The following NKAIN3 variants were observed in gnomAD, a reference collection of about 807,000 sequenced individuals.
NKAIN3 encodes the protein sodium/potassium-transporting ATPase subunit beta-1-interacting protein 3.
In NKAIN3, 25 loss-of-function variants were observed where a neutral mutation model predicts 30.2. The observed-to-expected ratio is 0.83, with a 90% CI of 0.60 to 1.16. The LOEUF is 1.16. Ranked by LOEUF, NKAIN3 falls within the 50% of genes most tolerant of loss-of-function variation. NKAIN3 has a pLI of 0.00. For missense variants in NKAIN3, 225 were observed against 254.1 expected, an observed-to-expected ratio of 0.89 and a Z score of 0.78; for synonymous variants, 91 against 89.6, an observed-to-expected ratio of 1.02 and a Z score of -0.09.
At chr8:62,453,162 C>T (rs1299045602) in intron 1 of NKAIN3, among the ~76,000 whole-genome samples, 1 of 152,006 alleles carries the variant, frequency 6.6e-6, no homozygotes, top group African/African-American at 2.4e-5. Flanking sequence ...CCTTTAGTTC[C>T]ACTTGCCTAT....
rs1252966202 is a variant in NKAIN3 at position 62,338,548 on chromosome 8, T to TA, written c.54+89422dup. 5.9e-5 allele frequency among the ~76,000 whole-genome samples: 9 copies of TA among 152,146 alleles called. No individual in the cohort carries two copies. In the East Asian group the frequency reaches 1.6e-3, roughly 26 times the overall value. On this transcript the variant is annotated intron_variant, in intron 1 of 6. Coordinates refer to ENST00000623646, the MANE Select transcript of NKAIN3 (RefSeq NM_001304533.3). ...AATAGAAAATTTTAAGGTCAGCTCT[T>TA]ATATTAGGGTTATCTAGAGGGACAG...
intron 1 of NKAIN3, among the ~76,000 whole-genome samples, chr8:62,458,312 TG>T (rs1412327053): frequency 6.6e-6 from 1 of 152,190 alleles, no homozygotes; most frequent in African/African-American, 2.4e-5. Flanking sequence ...TTATATAAGA[TG>T]GACCATGTGT....
At chr8:62,458,112 A>G (rs992958802) in intron 1 of NKAIN3, among the ~76,000 whole-genome samples, 2 of 152,210 alleles carry the variant, frequency 1.3e-5, no homozygotes, top group Non-Finnish European at 2.9e-5. Flanking sequence ...AGCTCAAAGC[A>G]TATTATCACC....
chr8:62,908,147 T>C (rs1821834960), intron 4 of NKAIN3, among the ~76,000 whole-genome samples: 1 of 152,172 alleles, frequency 6.6e-6, no homozygotes, highest in South Asian at 2.1e-4. Flanking sequence ...AGGAGATCAT[T>C]TTGGCGCTTA....
intron 4 of NKAIN3, among the ~76,000 whole-genome samples, chr8:62,771,381 A>C (rs1817004339): frequency 6.6e-6 from 1 of 152,206 alleles, no homozygotes; most frequent in African/African-American, 2.4e-5. Context: ...TGAAAATTAC[A>C]ATAAATTGAA....
At chr8:62,961,291 A>C (rs1324487560) in intron 6 of NKAIN3, among the ~76,000 whole-genome samples, 2 of 152,032 alleles carry the variant, frequency 1.3e-5, no homozygotes, top group East Asian at 3.9e-4. Context: ...AAAAAAAAAA[A>C]AAAGTGGGTC....
chr8:62,500,575 T>A (rs2129676759), intron 1 of NKAIN3, among the ~76,000 whole-genome samples: 1 of 151,986 alleles, frequency 6.6e-6, no homozygotes, highest in African/African-American at 2.4e-5. Context: ...TGGTAGTACA[T>A]AATGTGTGGG....
At chr8:62,993,601 CT>C (rs1445730574) in intron 5 of NKAIN3, among the ~76,000 whole-genome samples, 2 of 152,166 alleles carry the variant, frequency 1.3e-5, no homozygotes, top group African/African-American at 2.4e-5. Context: ...CCTTTTCAGC[CT>C]TCTATGGCCC....
chr8:62,548,912 A>T (rs900036471), intron 1 of NKAIN3, among the ~76,000 whole-genome samples: 1 of 151,976 alleles, frequency 6.6e-6, no homozygotes, highest in African/African-American at 2.4e-5. Flanking sequence ...TTCCTTTTTC[A>T]TATTACAGTT....
intron 3 of NKAIN3, among the ~76,000 whole-genome samples, chr8:62,695,757 G>A (rs1430390219): frequency 6.6e-6 from 1 of 152,184 alleles, no homozygotes; most frequent in African/African-American, 2.4e-5. Context: ...TTTGAAAGCA[G>A]AACTCAGGGG....
chr8:62,617,569 G>A (rs926316391), intron 3 of NKAIN3, among the ~76,000 whole-genome samples: 3 of 152,182 alleles, frequency 2.0e-5, no homozygotes, highest in East Asian at 1.9e-4. Context: ...TACTCAGGGA[G>A]CTTGTTTCCT....
intron 1 of NKAIN3, among the ~76,000 whole-genome samples, chr8:62,337,213 T>C (rs990280377): frequency 3.3e-5 from 5 of 152,024 alleles, no homozygotes; most frequent in Non-Finnish European, 7.4e-5. Flanking sequence ...ATTTCTGCCA[T>C]TTTCACTGGT....
chr8:62,303,493 G>A (rs1563926084), intron 1 of NKAIN3, among the ~76,000 whole-genome samples: 1 of 150,596 alleles, frequency 6.6e-6, no homozygotes, highest in Non-Finnish European at 1.5e-5. Context: ...GTCTTAAAAT[G>A]AAGACTCCTT....
intron 4 of NKAIN3, among the ~76,000 whole-genome samples, chr8:62,831,562 A>G (rs984724542): frequency 2.6e-5 from 4 of 152,314 alleles, no homozygotes; most frequent in Admixed American, 6.5e-5. Flanking sequence ...TGACAAACTT[A>G]CTTAAGAAAT....
intron 2 of NKAIN3, among the ~76,000 whole-genome samples, chr8:62,587,302 A>G (rs1016827289): frequency 2.6e-5 from 4 of 152,054 alleles, no homozygotes; most frequent in African/African-American, 9.7e-5. Context: ...CAAATTTATT[A>G]GAAGAAACTT....
At chr8:62,990,334 C>A (rs1824296250) in intron 5 of NKAIN3, 1 of 1,338,694 alleles carries the variant, frequency 7.5e-7, no homozygotes, top group African/African-American at 1.5e-5. Flanking sequence ...ATTCTAAACC[C>A]CAGATTCAAC....
intron 1 of NKAIN3, among the ~76,000 whole-genome samples, chr8:62,532,305 C>A (rs1399380357): frequency 2.0e-5 from 3 of 152,160 alleles, no homozygotes; most frequent in African/African-American, 7.2e-5. Context: ...AGCCACTCAT[C>A]TATGCCAGGG....
At position 62,899,057 on chromosome 8, in the gene NKAIN3, T is replaced by A. The variant is rs189862859; in HGVS notation, c.472-19396T>A. Among the ~76,000 whole-genome samples, 20 of 152,272 alleles carry A rather than the reference T, an allele frequency of 1.3e-4. No individual in the cohort carries two copies. The East Asian group carries it at 2.7e-3, about 21-fold the overall frequency. On this transcript the variant is annotated intron_variant, in intron 4 of 6. Transcript: ENST00000623646. Reference sequence around the variant, plus strand: ...ATCATCTCAATCCAGTTAAAATGGCTTATATCCAAAAGAATAGTAATAACA... The same window carrying A: ...ATCATCTCAATCCAGTTAAAATGGCATATATCCAAAAGAATAGTAATAACA...
At chr8:62,900,225 C>T (rs1372990061) in intron 4 of NKAIN3, among the ~76,000 whole-genome samples, 1 of 60,020 alleles carries the variant, frequency 1.7e-5, no homozygotes, top group African/African-American at 1.3e-4. Context: ...GTTCTTTTGA[C>T]TCATATCTTG....
Sources: gnomAD v4.1 joint callset for allele counts (sites outside exome capture counted in the v4.1 genomes callset) on GRCh38, gnomAD v4.1.1 for gene constraint, MANE v1.5 for transcripts, NCBI Gene and HGNC (gene_info 2026-07-23, HGNC 2026-07-21) for gene names.